The following EML5 variants were observed in gnomAD, a reference collection of about 807,000 sequenced individuals.
EML5 encodes the protein echinoderm microtubule-associated protein-like 5.
Under a neutral mutation model 250.0 loss-of-function variants are expected in EML5, and 120 were observed. The observed-to-expected ratio is 0.48, with a 90% confidence interval of 0.41 to 0.56. The LOEUF (loss-of-function observed/expected upper bound fraction) is 0.56, where lower values mean the gene tolerates loss of function less well. Among genes scored for constraint, EML5 ranks in the 20% least tolerant of loss-of-function variants. The pLI is 0.00. For synonymous variants in EML5, 771 were observed against 806.5 expected (o/e 0.96, Z 0.75); for missense variants, 2,006 against 2,437.6 (o/e 0.82, Z 3.73).
intron 21 of EML5, among the ~76,000 whole-genome samples, chr14:88,665,826 T>G (rs984902550): frequency 6.6e-6 from 1 of 152,178 alleles, no homozygotes; most frequent in African/African-American, 2.4e-5. Context: ...GAGGACTGTT[T>G]GAGCCCAGGA....
At chr14:88,726,764 T>A (rs527457673) in intron 7 of EML5, 86 bp from the exon 8 acceptor site, 79 of 974,832 alleles carry the variant, frequency 8.1e-5, no homozygotes, top group Non-Finnish European at 9.9e-5. Flanking sequence ...CTCATCTTAA[T>A]TAAGATAAAT....
intron 27 of EML5, among the ~76,000 whole-genome samples, chr14:88,656,618 A>T (rs571343972): frequency 5.3e-5 from 8 of 150,082 alleles, no homozygotes; most frequent in African/African-American, 1.5e-4. Flanking sequence ...AAGTATAATT[A>T]AAAAAAAGTG....
intron 31 of EML5, 56 bp downstream of exon 31, chr14:88,642,837 T>A: frequency 3.3e-6 from 5 of 1,530,672 alleles, no homozygotes; most frequent in East Asian, 2.4e-5. Context: ...AGCTGCTAGA[T>A]CAAAATTTCT....
intron 33 of EML5, among the ~76,000 whole-genome samples, chr14:88,628,516 T>C (rs1185173340): frequency 6.6e-6 from 1 of 152,128 alleles, no homozygotes; most frequent in Non-Finnish European, 1.5e-5. Flanking sequence ...TATAGTTTTA[T>C]ATTTTCTTTT....
chr14:88,726,504 G>A lies in EML5; in HGVS notation c.1187+37C>T, dbSNP rs756241457. 3.9e-6 allele frequency: 6 copies of A among 1,545,264 alleles called. No homozygotes were observed. In the South Asian group the frequency reaches 7.6e-5, roughly 19 times the overall value. On this transcript the variant is annotated intron_variant, in intron 8 of 43. Coordinates refer to ENST00000554922, the MANE Select transcript of EML5 (RefSeq NM_183387.3). ...ATTACTTATATTCTGTATCACTGAA[G>A]ATAAAATTATTATGTGTTTCTACCC...
chr14:88,776,336 G>A (rs1013191683), intron 1 of EML5, among the ~76,000 whole-genome samples: 5 of 152,108 alleles, frequency 3.3e-5, no homozygotes, highest in Admixed American at 6.5e-5. Context: ...TCAAAATATA[G>A]CTGTGTTGAA....
In EML5 at chr14:88,726,592, A is replaced by G; in HGVS notation, c.1136T>C (p.Ile379Thr). Residue 379 changes from isoleucine (I) to threonine (T), a missense_variant, in exon 8 of 44, where the codon ATC becomes ACC. Around this residue, in one of 7 missense-constraint regions of EML5, gnomAD observed 1,375 missense variants for 1,590.3 expected, o/e 0.86. Transcript: ENST00000554922. ...IRCAAVNADGIHLALGMKDGS... is the reference protein window; with the variant it reads ...IRCAAVNADGTHLALGMKDGS... Reference sequence around the variant, plus strand: ...ATCCTTCATTCCAAGGGCAAGATGGATTCCATCTGCATTGACAGCTGCACA... The same window carrying G: ...ATCCTTCATTCCAAGGGCAAGATGGGTTCCATCTGCATTGACAGCTGCACA... The G allele has an allele frequency of 6.3e-7, 1 of 1,599,404 alleles. No individual in the cohort carries two copies. Among genetic ancestry groups the G allele is most frequent in the East Asian group, 2.2e-5 (1 of 44,568 alleles).
chr14:88,616,213 C>T lies in EML5; in HGVS notation c.5826G>A (p.Ser1942=), dbSNP rs758139758. ...TAAATCGAATATTTGTCACATGGGG[C>T]GAATGACCCAAGAACCTTTTGTGTT... ...FAKHKRFLGH[S]PHVTNIRFTS... The change falls in exon 43 of 44, where the codon TCG becomes TCA. Residue 1942 remains serine, a synonymous_variant. Coordinates refer to ENST00000554922, the MANE Select transcript of EML5 (RefSeq NM_183387.3). The T allele has an allele frequency of 2.3e-5, 37 of 1,613,684 alleles. No individual in the cohort carries two copies. Among genetic ancestry groups the T allele is most frequent in the Admixed American group, 1.2e-4 (7 of 59,994 alleles).
At chr14:88,671,750 T>C (rs767691243) in intron 21 of EML5, among the ~76,000 whole-genome samples, 1 of 152,088 alleles carries the variant, frequency 6.6e-6, no homozygotes, top group African/African-American at 2.4e-5. Flanking sequence ...GGGAGTGCAA[T>C]CCTAGTTTCT....
intron 1 of EML5, among the ~76,000 whole-genome samples, chr14:88,759,312 T>C (rs1271281555): frequency 6.6e-6 from 1 of 152,158 alleles, no homozygotes. Context: ...AAATTCTTTA[T>C]CTTCATCTTG....
chr14:88,658,503 G>T, intron 25 of EML5, 115 bp from the exon 26 acceptor site: 1 of 808,602 alleles, frequency 1.2e-6, no homozygotes, highest in Non-Finnish European at 1.8e-6. Context: ...AGTGCAATGT[G>T]TTAAAAAAAA....
intron 27 of EML5, among the ~76,000 whole-genome samples, chr14:88,653,689 T>C (rs2091742995): frequency 6.6e-6 from 1 of 152,186 alleles, no homozygotes; most frequent in Non-Finnish European, 1.5e-5. Flanking sequence ...GCTGCTGGAT[T>C]TAGTTTGCCA....
At chr14:88,677,448 A>C (rs2092620608) in intron 21 of EML5, among the ~76,000 whole-genome samples, 1 of 152,236 alleles carries the variant, frequency 6.6e-6, no homozygotes, top group Non-Finnish European at 1.5e-5. Context: ...AAAAATTGGC[A>C]AATGGGATCT....
intron 8 of EML5, among the ~76,000 whole-genome samples, chr14:88,718,068 T>C (rs1050838880): frequency 6.6e-6 from 1 of 152,070 alleles, no homozygotes; most frequent in African/African-American, 2.4e-5. Context: ...GAGAAAGAGG[T>C]ATCAAGGAAA....
chr14:88,748,519 A>T (rs2140320672), intron 2 of EML5, among the ~76,000 whole-genome samples: 2 of 152,302 alleles, frequency 1.3e-5, no homozygotes, highest in South Asian at 4.1e-4. Flanking sequence ...AAACTGATTC[A>T]TGAGGAACTT....
chr14:88,754,443 G>A (rs1247327386), intron 2 of EML5, 69 bp downstream of exon 2: 1 of 1,333,826 alleles, frequency 7.5e-7, no homozygotes, highest in South Asian at 1.8e-5. Flanking sequence ...AATATTTATA[G>A]ATTTATAATC....
intron 7 of EML5, among the ~76,000 whole-genome samples, chr14:88,729,098 T>C (rs1424468735): frequency 1.3e-5 from 2 of 152,060 alleles, no homozygotes; most frequent in East Asian, 3.8e-4. Context: ...CATATATATA[T>C]ATAACCAACT....
At position 88,736,365 on chromosome 14, in the gene EML5, T is replaced by C. The variant is rs2093841407; in HGVS notation, c.1048A>G (p.Arg350Gly). Residue 350 changes from arginine to glycine, a missense_variant and splice_region_variant, in exon 7 of 44, where the codon AGG (arginine) becomes GGG (glycine). Arg to Gly is a moderately radical substitution (Grantham distance 125). Transcript: ENST00000554922. Reference protein sequence around the residue: ...AVTGSDDRSVRIWSLVDHALI... With the variant: ...AVTGSDDRSVGIWSLVDHALI... ...GGAATTAGTTTATAATTTGCTTACC[T>C]GACCGAACGATCATCACTTCCAGTC... 6 of 1,613,894 alleles carry C rather than the reference T, an allele frequency of 3.7e-6. No individual in the cohort carries two copies. Among genetic ancestry groups the C allele is most frequent in the Non-Finnish European group, 4.2e-6 (5 of 1,179,894 alleles).
At position 88,744,057 on chromosome 14, in the gene EML5, T is replaced by A; in HGVS notation, c.491A>T (p.Asn164Ile). 6.3e-7 allele frequency: 1 copy of A among 1,577,128 alleles called. No individual in the cohort carries two copies. Among genetic ancestry groups the A allele is most frequent in the Non-Finnish European group, 8.6e-7 (1 of 1,158,584 alleles). The change falls in exon 4 of 44, where the codon AAT becomes ATT. Residue 164 changes from asparagine (N) to isoleucine (I), a missense_variant. This residue lies in a region of EML5 where 2 missense variants were observed against 17.0 expected (regional missense o/e 0.12). Transcript: ENST00000554922. Reference sequence around the variant, plus strand: ...TTTTACACCACAGCTGACAAGTTTATTTGGCTGGTACAAATCCCAAGAAAT... The same window carrying A: ...TTTTACACCACAGCTGACAAGTTTAATTGGCTGGTACAAATCCCAAGAAAT... ...FDISWDLYQP[N>I]KLVSCGVKHI...
Sources: allele counts gnomAD v4.1 joint callset (sites outside exome capture counted in the v4.1 genomes callset), GRCh38; gene constraint gnomAD v4.1.1; regional missense constraint gnomAD v4.1.1; transcripts MANE v1.5; gene names NCBI Gene and HGNC (gene_info 2026-07-23, HGNC 2026-07-21).